FRMD4B: variants seen among roughly 807,000 people sequenced by gnomAD.
FRMD4B encodes FERM domain-containing protein 4B.
Under a neutral mutation model 141.5 loss-of-function variants are expected in FRMD4B, and 74 were observed. That is an observed-to-expected ratio of 0.52 (90% CI 0.43 to 0.63). The LOEUF (loss-of-function observed/expected upper bound fraction) is 0.63, where lower values mean the gene tolerates loss of function less well. FRMD4B is among the 30% of genes least tolerant of loss of function. FRMD4B has a pLI of 0.00. For missense variants in FRMD4B, 1,366 were observed against 1,253.4 expected (o/e 1.09, Z -1.36); for synonymous variants, 506 against 467.9 (o/e 1.08, Z -1.05).
chr3:69,459,894 CTATT>C lies in FRMD4B; in HGVS notation c.-128-27137_-128-27134del, dbSNP rs1405889387. Among the ~76,000 whole-genome samples the C allele has an allele frequency of 1.2e-4, 19 of 152,298 alleles. No individual in the cohort carries two copies. In the Middle Eastern group the frequency reaches 0.01, roughly 82 times the overall value. On this transcript the variant is annotated intron_variant, in intron 1 of 5. Coordinates refer to the FRMD4B transcript ENST00000459638. The stretch of plus-strand genomic sequence containing the variant: ...ACTGTAGGTGTCTCTATCTACTTAT[CTATT>C]TAATTAGTTATCCATTATTTATTTT...
chr3:69,266,786 G>A (rs2093564113), intron 5 of FRMD4B, among the ~76,000 whole-genome samples: 1 of 152,186 alleles, frequency 6.6e-6, no homozygotes, highest in Non-Finnish European at 1.5e-5. Flanking sequence ...TGGAGGCCAA[G>A]ATCATTGGGT....
At chr3:69,523,834 A>T (rs1700891254) in intron 1 of FRMD4B, among the ~76,000 whole-genome samples, 1 of 152,242 alleles carries the variant, frequency 6.6e-6, no homozygotes, top group South Asian at 2.1e-4. Flanking sequence ...CAATGAAGAC[A>T]TTCAGTTCCT....
chr3:69,310,240 A>G (rs954074106), intron 3 of FRMD4B, among the ~76,000 whole-genome samples: 1 of 152,202 alleles, frequency 6.6e-6, no homozygotes, highest in Admixed American at 6.5e-5. Context: ...CTAGGCTCAC[A>G]GCCCACCCAG....
At chr3:69,233,172 T>G (rs1027514991) in intron 7 of FRMD4B, among the ~76,000 whole-genome samples, 7 of 152,094 alleles carry the variant, frequency 4.6e-5, no homozygotes, top group African/African-American at 1.7e-4. Flanking sequence ...AGCTTCACTT[T>G]CTAAACCTAA....
At chr3:69,461,497 G>A (rs1018253586) in intron 1 of FRMD4B, among the ~76,000 whole-genome samples, 1 of 151,864 alleles carries the variant, frequency 6.6e-6, no homozygotes, top group Non-Finnish European at 1.5e-5. Context: ...GGTGGCGCAC[G>A]CCTATAGTCC....
At chr3:69,489,320 A>G (rs1223608234) in intron 1 of FRMD4B, among the ~76,000 whole-genome samples, 3 of 149,876 alleles carry the variant, frequency 2.0e-5, no homozygotes, top group Non-Finnish European at 3.0e-5. Context: ...AAATGTATAC[A>G]TATATAAATG....
At position 69,221,865 on chromosome 3, in the gene FRMD4B, C is replaced by T. The variant is rs760155872; in HGVS notation, c.724G>A (p.Val242Met). 3 of 1,527,872 alleles carry T rather than the reference C, an allele frequency of 2.0e-6. No homozygotes were observed. Among genetic ancestry groups the T allele is most frequent in the Non-Finnish European group, 9.0e-7 (1 of 1,107,122 alleles). 94.6% of individuals were successfully genotyped at this position (1,527,872 alleles called of 1,614,324 possible). A position where few individuals can be genotyped will look rare whatever the true frequency, so the allele number is the denominator to read the frequency against. The change falls in exon 9 of 23, where the codon GTG becomes ATG. Residue 242 changes from valine (V) to methionine (M), a missense_variant. Coordinates refer to ENST00000398540, the MANE Select transcript of FRMD4B (RefSeq NM_015123.3). ...AAAAGGAAAGATACTTACTGAACCACAGCTTGACCTCGAGTGAGACCTTTG... is the reference window on the plus strand; with the variant it reads ...AAAAGGAAAGATACTTACTGAACCATAGCTTGACCTCGAGTGAGACCTTTG... Reference protein sequence around the residue: ...KIKGLTRGQAVVQYMKIVEAL... With the variant: ...KIKGLTRGQAMVQYMKIVEAL...
intron 1 of FRMD4B, among the ~76,000 whole-genome samples, chr3:69,487,800 G>A (rs6783232): frequency 0.029 from 4,419 of 152,242 alleles, 206 homozygotes; most frequent in African/African-American, 0.1. Flanking sequence ...GAGGATTCAC[G>A]GAGAGAGGAA....
intron 2 of FRMD4B, among the ~76,000 whole-genome samples, chr3:69,393,797 G>C (rs1206617465): frequency 1.3e-5 from 2 of 152,060 alleles, no homozygotes; most frequent in African/African-American, 4.8e-5. Context: ...TATATCATCA[G>C]TTGATTCTCA....
Position 69,180,982 on chromosome 3 carries a change from T to G in FRMD4B, c.2768A>C (p.Asp923Ala), listed in dbSNP as rs1176867241. 6.2e-7 allele frequency: 1 copy of G among 1,614,006 alleles called. No homozygotes were observed. The highest frequency in any genetic ancestry group is 1.3e-5 in the African/African-American group (1 of 75,054). ...GHSPQTSFDS[D>A]RGSQRCLGFA... The stretch of plus-strand genomic sequence containing the variant: ...CCCCAGGCATCTCTGTGATCCCCTG[T>G]CTGAGTCAAAGCTGGTCTGCGGGCT... The change falls in exon 21 of 23, where the codon GAC becomes GCC. Residue 923 changes from aspartate (D) to alanine (A), a missense_variant. Asp to Ala is a moderately radical substitution (Grantham distance 126, BLOSUM62 -2). Coordinates refer to ENST00000398540, the MANE Select transcript of FRMD4B (RefSeq NM_015123.3).
chr3:69,540,583 AG>A (rs1384510192), intron 1 of FRMD4B, among the ~76,000 whole-genome samples: 3 of 129,292 alleles, frequency 2.3e-5, no homozygotes, highest in Non-Finnish European at 4.7e-5. Flanking sequence ...ACTGCATTCT[AG>A]CCTGGGCGAC....
intron 1 of FRMD4B, among the ~76,000 whole-genome samples, chr3:69,321,570 T>C (rs911069182): frequency 1.3e-5 from 2 of 152,166 alleles, no homozygotes; most frequent in Non-Finnish European, 2.9e-5. Flanking sequence ...TCTAAGAGCT[T>C]TATTGCTTTG....
At chr3:69,387,829 T>C (rs192971176), upstream of FRMD4B, among the ~76,000 whole-genome samples, 27 of 152,338 alleles carry the variant, frequency 1.8e-4, no homozygotes, top group African/African-American at 6.3e-4. Flanking sequence ...AGAGTTTTTG[T>C]TGAATTAGTT....
Position 69,462,892 on chromosome 3 carries a change from C to T in FRMD4B, c.-128-30131G>A, listed in dbSNP as rs565512976. 9.8e-5 allele frequency among the ~76,000 whole-genome samples: 15 copies of T among 152,316 alleles called. 1 individual carries two copies. The South Asian group carries it at 2.7e-3, about 27-fold the overall frequency. ...TTTCATATGGCTTCTCCCAAGACAC[C>T]CCTGGAAGACCATGTAGTCAGCTTG... On this transcript the variant is annotated intron_variant, in intron 1 of 5. Transcript: ENST00000459638.
intron 1 of FRMD4B, among the ~76,000 whole-genome samples, chr3:69,540,640 T>A (rs60572220): frequency 0.093 from 5,508 of 59,412 alleles, 295 homozygotes; most frequent in Non-Finnish European, 0.11. Flanking sequence ...AAAAAAAATA[T>A]ATATATATAT....
intron 1 of FRMD4B, among the ~76,000 whole-genome samples, chr3:69,498,999 A>C (rs1396871875): frequency 6.6e-6 from 1 of 152,246 alleles, no homozygotes; most frequent in Non-Finnish European, 1.5e-5. Context: ...GTGTGATATA[A>C]GATGATAGTG....
At chr3:69,340,043 C>T (rs1051672176) in intron 1 of FRMD4B, among the ~76,000 whole-genome samples, 2 of 152,190 alleles carry the variant, frequency 1.3e-5, no homozygotes, top group Non-Finnish European at 2.9e-5. Context: ...GCCCCAGCCA[C>T]ATTGCCTTCC....
chr3:69,262,886 C>A (rs1485652971), intron 5 of FRMD4B, among the ~76,000 whole-genome samples: 1 of 152,082 alleles, frequency 6.6e-6, no homozygotes, highest in Non-Finnish European at 1.5e-5. Context: ...GTAAAAACAG[C>A]CAGACAATAA....
intron 12 of FRMD4B, among the ~76,000 whole-genome samples, chr3:69,197,287 A>G (rs1188252701): frequency 2.6e-5 from 4 of 152,224 alleles, no homozygotes; most frequent in Admixed American, 2.0e-4. Context: ...AAGCTGATAA[A>G]GAATCAGTCA....
Sources: allele counts gnomAD v4.1 joint callset (sites outside exome capture counted in the v4.1 genomes callset), GRCh38; gene constraint gnomAD v4.1.1; transcripts MANE v1.5; gene names NCBI Gene and HGNC (gene_info 2026-07-23, HGNC 2026-07-21).